LY75: variants seen among roughly 807,000 people sequenced by gnomAD.
LY75 encodes lymphocyte antigen 75, also known as C-type lectin domain family 13 member B.
LY75 carries 185 observed loss-of-function variants against 231.7 expected under a neutral mutation model. The ratio of observed to expected loss-of-function variants is 0.80; its 90% CI spans 0.71 to 0.90. The LOEUF (loss-of-function observed/expected upper bound fraction) is 0.90, where lower values mean the gene tolerates loss of function less well. Ranked by LOEUF, LY75 falls within the 40% of genes least tolerant of loss-of-function variation. LY75 has a pLI of 0.00. For missense variants in LY75, 1,947 were observed against 2,050.2 expected, an observed-to-expected ratio of 0.95 and a Z score of 0.97; for synonymous variants, 668 against 689.0, an observed-to-expected ratio of 0.97 and a Z score of 0.48.
Position 159,853,285 on chromosome 2 carries a change from T to A in LY75, c.2731A>T (p.Thr911Ser). The change falls in exon 20 of 35, where the codon ACT becomes TCT. Residue 911 changes from threonine to serine, a missense_variant. Thr to Ser is a moderately conservative substitution (Grantham distance 58). Transcript: ENST00000263636. The part of the protein sequence containing the change: ...GEECLYMSAK[T>S]WLIDLGKPTD... ...GAATTAACTTTACCGATAAGCCAAG[T>A]CTTGGCAGACATGTACAAGCATTCC... The A allele has an allele frequency of 6.2e-7, 1 of 1,612,406 alleles. No individual in the cohort carries two copies. Among genetic ancestry groups the A allele is most frequent in the South Asian group, 1.1e-5 (1 of 90,910 alleles).
chr2:159,873,155 AAGAAG>A (rs1377499396), intron 12 of LY75, among the ~76,000 whole-genome samples: 1 of 151,996 alleles, frequency 6.6e-6, no homozygotes, highest in East Asian at 1.9e-4. Context: ...AGAAAGAAGA[AAGAAG>A]AAAGAAGAAA....
intron 28 of LY75, among the ~76,000 whole-genome samples, chr2:159,821,888 C>T (rs1014643927): frequency 3.9e-5 from 6 of 152,120 alleles, no homozygotes; most frequent in East Asian, 1.9e-4. Flanking sequence ...CCACAGAGGG[C>T]GAGCTGAAGC....
intron 21 of LY75, among the ~76,000 whole-genome samples, chr2:159,851,592 C>A (rs1456584617): frequency 1.3e-5 from 2 of 152,188 alleles, no homozygotes; most frequent in Non-Finnish European, 2.9e-5. Flanking sequence ...CAGAATAAAT[C>A]TTTTCTCATA....
At chr2:159,837,481 G>C (rs1344989497) in intron 25 of LY75, among the ~76,000 whole-genome samples, 3 of 152,114 alleles carry the variant, frequency 2.0e-5, no homozygotes, top group Admixed American at 6.6e-5. Context: ...ATATTGTCTG[G>C]GGACTCCAAA....
At chr2:159,842,481 T>A (rs1053833086) in intron 23 of LY75, 107 bp from the exon 24 acceptor site, 2 of 1,329,458 alleles carry the variant, frequency 1.5e-6, no homozygotes, top group African/African-American at 3.1e-5. Context: ...ATAAAAGAAT[T>A]CCATGAAGGA....
At chr2:159,839,782 G>A (rs1683946129) in intron 25 of LY75, among the ~76,000 whole-genome samples, 2 of 152,008 alleles carry the variant, frequency 1.3e-5, no homozygotes, top group Admixed American at 1.3e-4. Flanking sequence ...GGGGCGGGCG[G>A]ATCACTTGAG....
At chr2:159,823,931 C>A (rs1046165386) in intron 28 of LY75, among the ~76,000 whole-genome samples, 5 of 152,152 alleles carry the variant, frequency 3.3e-5, no homozygotes, top group African/African-American at 1.2e-4. Context: ...GCCTGCCTTA[C>A]AAGAGCTCCT....
Position 159,858,370 on chromosome 2 carries a change from A to C in LY75, c.2375T>G (p.Ile792Ser). ...CDTKLEWVCQ[I>S]PKGRTPKTPD... ...GAATAACTACCACTTACCTTTTGGA[A>C]TTTGGCACACCCATTCAAGTTTTGT... is the stretch of plus-strand genomic sequence containing the variant. The change falls in exon 16 of 35, where the codon ATT (isoleucine) becomes AGT (serine). Residue 792 changes from isoleucine to serine, a missense_variant. Ile to Ser is a moderately radical substitution (Grantham distance 142). Coordinates refer to ENST00000263636, the MANE Select transcript of LY75 (RefSeq NM_002349.4). The C allele has an allele frequency of 6.2e-7, 1 of 1,612,908 alleles. No homozygotes were observed. Among genetic ancestry groups the C allele is most frequent in the South Asian group, 1.1e-5 (1 of 90,838 alleles).
chr2:159,819,201 G>C (rs1218760664), intron 29 of LY75, among the ~76,000 whole-genome samples: 2 of 151,868 alleles, frequency 1.3e-5, no homozygotes, highest in East Asian at 1.9e-4. Context: ...AGGGCACAGT[G>C]GTAATAATTA....
intron 34 of LY75, 97 bp downstream of exon 34, chr2:159,806,876 T>C (rs1043994663): frequency 6.9e-6 from 10 of 1,441,228 alleles, no homozygotes; most frequent in Non-Finnish European, 8.3e-6. Flanking sequence ...GACTAAATAC[T>C]TCAAGACTAA....
At chr2:159,860,718 C>A in intron 15 of LY75, 103 bp downstream of exon 15, 1 of 1,391,970 alleles carries the variant, frequency 7.2e-7, no homozygotes, top group Non-Finnish European at 1.0e-6. Flanking sequence ...CTGCATCTAA[C>A]ATCATGCTTC....
intron 25 of LY75, among the ~76,000 whole-genome samples, chr2:159,838,854 G>A (rs796639422): frequency 4.6e-5 from 7 of 152,236 alleles, no homozygotes; most frequent in African/African-American, 1.4e-4. Flanking sequence ...GGAATGCAGT[G>A]GTATAATCTC....
At chr2:159,879,916 T>C (rs1685384171) in intron 8 of LY75, among the ~76,000 whole-genome samples, 1 of 152,212 alleles carries the variant, frequency 6.6e-6, no homozygotes, top group African/African-American at 2.4e-5. Flanking sequence ...TACGTCACTT[T>C]GCTTTGTTTG....
intron 27 of LY75, among the ~76,000 whole-genome samples, chr2:159,833,044 A>C (rs1683711760): frequency 6.6e-6 from 1 of 151,780 alleles, no homozygotes; most frequent in Admixed American, 6.6e-5. Flanking sequence ...GACTGCTCCA[A>C]CTAACTTATT....
chr2:159,882,433 A>C, intron 6 of LY75, 118 bp from the exon 7 acceptor site: 1 of 1,383,598 alleles, frequency 7.2e-7, no homozygotes, highest in Non-Finnish European at 9.7e-7. Context: ...ACGTGATGTC[A>C]GATGCTACGG....
At chr2:159,842,095 G>A in intron 24 of LY75, 150 bp downstream of exon 24, 3 of 914,588 alleles carry the variant, frequency 3.3e-6, no homozygotes, top group Non-Finnish European at 2.9e-6. Flanking sequence ...GTTACATGGT[G>A]TATTGGACCC....
rs1303621071 is a variant in LY75 at position 159,804,267 on chromosome 2, C to A, written c.*777G>T. On this transcript the variant is annotated 3_prime_UTR_variant, in exon 35 of 35. Transcript: ENST00000263636. ...CGGTGGCTCATGCCTGTAATCCCAG[C>A]ACTTTGGGAGGCCGAGGCGGGAGGA... 1 of 152,246 alleles carries A rather than the reference C, an allele frequency of 6.6e-6. No individual in the cohort carries two copies. The highest frequency in any genetic ancestry group is 1.5e-5 in the Non-Finnish European group (1 of 68,070). 9.4% of individuals were successfully genotyped at this position (152,246 alleles called of 1,614,324 possible).
Position 159,882,244 on chromosome 2 carries a change from C to T in LY75, c.1126G>A (p.Val376Ile), listed in dbSNP as rs1385395327. 6.2e-7 allele frequency: 1 copy of T among 1,613,932 alleles called. No individual in the cohort carries two copies. Among genetic ancestry groups the T allele is most frequent in the Non-Finnish European group, 8.5e-7 (1 of 1,179,954 alleles). ...TTATCCCAGGAATTACTTTCATTTA[C>T]CAGCAGATAGCAAAATCCATTATTT... is the stretch of plus-strand genomic sequence containing the variant. The part of the protein sequence containing the change: ...LPNNGFCYLL[V>I]NESNSWDKAH... The change falls in exon 7 of 35, where the codon GTA (valine) becomes ATA (isoleucine). Residue 376 changes from valine to isoleucine, a missense_variant. Val to Ile is a conservative substitution (Grantham distance 29, BLOSUM62 3). Coordinates refer to ENST00000263636, the MANE Select transcript of LY75 (RefSeq NM_002349.4).
At chr2:159,888,171 T>C (rs1215745378) in intron 4 of LY75, among the ~76,000 whole-genome samples, 1 of 152,148 alleles carries the variant, frequency 6.6e-6, no homozygotes, top group African/African-American at 2.4e-5. Context: ...AAAAGACCTG[T>C]GGCCTTTTAA....
Sources: allele counts gnomAD v4.1 joint callset (sites outside exome capture counted in the v4.1 genomes callset), GRCh38; gene constraint gnomAD v4.1.1; transcripts MANE v1.5; gene names NCBI Gene and HGNC (gene_info 2026-07-23, HGNC 2026-07-21).